Variants in MECOM observed in about 807,000 individuals in gnomAD.
The protein encoded by MECOM is MDS1 and EVI1 complex locus, also known as histone-lysine N-methyltransferase MECOM.
Under a neutral mutation model 116.3 loss-of-function variants are expected in MECOM, and 13 were observed. That is an observed-to-expected ratio of 0.11 (90% CI 0.07 to 0.18). The LOEUF is 0.18. Among genes scored for constraint, MECOM ranks in the 10% least tolerant of loss-of-function variants. MECOM has a pLI of 1.00. For missense variants in MECOM, 1,299 were observed against 1,509.0 expected, an observed-to-expected ratio of 0.86 and a Z score of 2.31; for synonymous variants, 528 against 535.2, an observed-to-expected ratio of 0.99 and a Z score of 0.19.
chr3:169,429,769 G>A (rs1480812299), intron 1 of MECOM, among the ~76,000 whole-genome samples: 1 of 152,010 alleles, frequency 6.6e-6, no homozygotes, highest in Non-Finnish European at 1.5e-5. Flanking sequence ...TGTCATTATT[G>A]GCCAAATAGA....
chr3:169,421,095 G>T (rs1276714009), intron 1 of MECOM, among the ~76,000 whole-genome samples: 2 of 152,068 alleles, frequency 1.3e-5, no homozygotes, highest in Non-Finnish European at 2.9e-5. Flanking sequence ...CTGGAATGAG[G>T]TTCAGAGAAC....
At chr3:169,327,273 G>A (rs1459175853) in intron 2 of MECOM, among the ~76,000 whole-genome samples, 1 of 152,000 alleles carries the variant, frequency 6.6e-6, no homozygotes, top group Non-Finnish European at 1.5e-5. Flanking sequence ...GGTTGATTTG[G>A]GAACATAATG....
rs562931164 is a variant in MECOM, at chr3:169,169,050, T to C, written c.376-25218A>G. Among the ~76,000 whole-genome samples, 124 of 152,192 alleles carry C rather than the reference T, an allele frequency of 8.1e-4. 1 individual carries two copies. The highest frequency in any genetic ancestry group is 2.8e-3 in the African/African-American group (117 of 41,564). On this transcript the variant is annotated intron_variant, in intron 2 of 16. Transcript: ENST00000651503. Reference sequence around the variant, plus strand: ...AAAATTATATTTGCTCAGGTTTTGGTTTCCACTTTTTAAAAAGTTATAGGT... The same window carrying C: ...AAAATTATATTTGCTCAGGTTTTGGCTTCCACTTTTTAAAAAGTTATAGGT...
chr3:169,139,188 A>G (rs1426502684), intron 3 of MECOM, among the ~76,000 whole-genome samples: 1 of 152,134 alleles, frequency 6.6e-6, no homozygotes, highest in Non-Finnish European at 1.5e-5. Flanking sequence ...CAAAATATAC[A>G]TCAGGCATTA....
At chr3:169,288,017 T>G (rs879520567) in intron 2 of MECOM, among the ~76,000 whole-genome samples, 6 of 152,172 alleles carry the variant, frequency 3.9e-5, no homozygotes, top group Non-Finnish European at 5.9e-5. Flanking sequence ...TGTAAGCAGG[T>G]TTAGAAGCCA....
chr3:169,564,316 A>C (rs1051681755), intron 1 of MECOM, among the ~76,000 whole-genome samples: 1 of 152,242 alleles, frequency 6.6e-6, no homozygotes, highest in Non-Finnish European at 1.5e-5. Flanking sequence ...GAAAAGTCTT[A>C]AGCTTAATTC....
At chr3:169,311,897 TCA>T (rs1718844292) in intron 2 of MECOM, among the ~76,000 whole-genome samples, 1 of 152,202 alleles carries the variant, frequency 6.6e-6, no homozygotes, top group Admixed American at 6.5e-5. Flanking sequence ...GATGCAATGT[TCA>T]CATTTTAAAA....
intron 1 of MECOM, among the ~76,000 whole-genome samples, chr3:169,609,591 G>A (rs781526498): frequency 3.3e-5 from 5 of 152,080 alleles, no homozygotes; most frequent in African/African-American, 1.2e-4. Context: ...TTAAGCTTCT[G>A]TAAAAGGTCT....
At chr3:169,554,213 A>T (rs1049078237) in intron 1 of MECOM, among the ~76,000 whole-genome samples, 14 of 152,152 alleles carry the variant, frequency 9.2e-5, no homozygotes, top group African/African-American at 3.4e-4. Flanking sequence ...GGTAAAAGTG[A>T]CAAAGCCTGG....
chr3:169,293,785 T>C (rs1227019864), intron 2 of MECOM, among the ~76,000 whole-genome samples: 1 of 152,214 alleles, frequency 6.6e-6, no homozygotes, highest in Non-Finnish European at 1.5e-5. Flanking sequence ...ACATAGTAGG[T>C]ATTCAGCTTA....
chr3:169,439,987 T>G (rs1440248061), intron 1 of MECOM, among the ~76,000 whole-genome samples: 3 of 151,998 alleles, frequency 2.0e-5, no homozygotes, highest in Non-Finnish European at 4.4e-5. Flanking sequence ...TGGTAATACA[T>G]ACATAAGCAA....
chr3:169,226,936 T>C (rs1258027446), intron 2 of MECOM, among the ~76,000 whole-genome samples: 1 of 152,186 alleles, frequency 6.6e-6, no homozygotes, highest in African/African-American at 2.4e-5. Context: ...TAGATGTTCA[T>C]AGGCTATAAA....
At chr3:169,316,278 A>G (rs1719727084) in intron 2 of MECOM, among the ~76,000 whole-genome samples, 1 of 152,242 alleles carries the variant, frequency 6.6e-6, no homozygotes, top group African/African-American at 2.4e-5. Context: ...GAAGAATTAA[A>G]ACACCCTCTC....
At chr3:169,532,021 G>C (rs1487142562) in intron 1 of MECOM, among the ~76,000 whole-genome samples, 1 of 152,170 alleles carries the variant, frequency 6.6e-6, no homozygotes, top group Non-Finnish European at 1.5e-5. Flanking sequence ...TCCTTAAAGT[G>C]GTTTGATCAC....
At chr3:169,502,664 A>G (rs544965556) in intron 1 of MECOM, among the ~76,000 whole-genome samples, 1 of 152,252 alleles carries the variant, frequency 6.6e-6, no homozygotes, top group African/African-American at 2.4e-5. Flanking sequence ...ATCATACAAC[A>G]CTTTTTAAAT....
chr3:169,529,216 G>A (rs1758298427), intron 1 of MECOM, among the ~76,000 whole-genome samples: 1 of 152,098 alleles, frequency 6.6e-6, no homozygotes, highest in Non-Finnish European at 1.5e-5. Context: ...GGTCTAATAA[G>A]CTCACAATCC....
intron 2 of MECOM, among the ~76,000 whole-genome samples, chr3:169,208,575 A>C (rs1438611215): frequency 6.6e-6 from 1 of 152,014 alleles, no homozygotes; most frequent in East Asian, 1.9e-4. Context: ...ATATTTAGGC[A>C]TATTTTATTT....
intron 1 of MECOM, among the ~76,000 whole-genome samples, chr3:169,578,779 C>T (rs1764792416): frequency 6.6e-6 from 1 of 152,204 alleles, no homozygotes; most frequent in Non-Finnish European, 1.5e-5. Flanking sequence ...AGGGTATACT[C>T]TTCAATGATC....
intron 1 of MECOM, among the ~76,000 whole-genome samples, chr3:169,565,540 A>C (rs191723456): frequency 2.6e-5 from 4 of 152,190 alleles, no homozygotes; most frequent in African/African-American, 9.6e-5. Flanking sequence ...CTCACTTTTC[A>C]AGGGAGCTGG....
Sources: allele counts gnomAD v4.1 joint callset (sites outside exome capture counted in the v4.1 genomes callset), GRCh38; gene constraint gnomAD v4.1.1; transcripts MANE v1.5; gene names NCBI Gene and HGNC (gene_info 2026-07-23, HGNC 2026-07-21).